Variants in KREMEN1 observed in about 807,000 individuals in gnomAD.
KREMEN1 encodes the protein kringle containing transmembrane protein 1.
A neutral mutation model predicts 46.5 loss-of-function variants in KREMEN1; 30 were observed. The observed-to-expected ratio is 0.65, with a 90% CI of 0.48 to 0.88. KREMEN1 has a LOEUF of 0.88. Among genes scored for constraint, KREMEN1 ranks in the 40% least tolerant of loss-of-function variants. The pLI is 0.00. For missense variants in KREMEN1, 533 were observed against 596.9 expected (o/e 0.89, Z 1.11); for synonymous variants, 214 against 230.6 (o/e 0.93, Z 0.65).
chr22:29,074,260 A>G lies in KREMEN1; in HGVS notation c.97+1033A>G, dbSNP rs991748211. On this transcript the variant is annotated intron_variant, in intron 1 of 8. Transcript: ENST00000400335. The stretch of plus-strand genomic sequence containing the variant: ...CCGCTGGGCCGCTTTGAACTTCCCT[A>G]TGACTCAGGTGATGGCGCAGAAGGG... Among the ~76,000 whole-genome samples the G allele has an allele frequency of 3.3e-5, 5 of 152,180 alleles. 1 individual carries two copies. Among genetic ancestry groups the G allele is most frequent in the African/African-American group, 1.2e-4 (5 of 41,436 alleles).
In KREMEN1 at chr22:29,145,470, G is replaced by A. The variant is rs568494115; in HGVS notation, c.*3358G>A. The A allele has an allele frequency of 3.0e-6, 3 of 985,582 alleles. No individual in the cohort carries two copies. Among genetic ancestry groups the A allele is most frequent in the African/African-American group, 3.5e-5 (2 of 57,356 alleles). 61.1% of individuals were successfully genotyped at this position (985,582 alleles called of 1,614,324 possible). A position where few individuals can be genotyped will look rare whatever the true frequency, so the allele number is the denominator to read the frequency against. On this transcript the variant is annotated 3_prime_UTR_variant, in exon 9 of 9. Transcript: ENST00000400335. ...CACCCCTGTTCCCCGCTGGCGCCAG[G>A]CCCTGCCTTCTTGGTACCTGTGCCA...
chr22:29,132,326 T>C (rs185713867), intron 5 of KREMEN1, among the ~76,000 whole-genome samples: 1 of 152,226 alleles, frequency 6.6e-6, no homozygotes, highest in Non-Finnish European at 1.5e-5. Context: ...AAAGCTGTTG[T>C]AAACATCCAA....
At chr22:29,139,577 T>A (rs1029652850) in intron 7 of KREMEN1, among the ~76,000 whole-genome samples, 1 of 151,970 alleles carries the variant, frequency 6.6e-6, no homozygotes, top group African/African-American at 2.4e-5. Flanking sequence ...CACTCCAACC[T>A]GGGTGACAGA....
At chr22:29,094,871 G>T (rs1443343749) in intron 2 of KREMEN1, among the ~76,000 whole-genome samples, 1 of 152,076 alleles carries the variant, frequency 6.6e-6, no homozygotes, top group South Asian at 2.1e-4. Context: ...TGATCCGCCC[G>T]CCTCAGCCTC....
intron 3 of KREMEN1, among the ~76,000 whole-genome samples, chr22:29,107,218 CTTTTTTTTTT>C (rs1188000476): frequency 1.8e-5 from 2 of 111,926 alleles, no homozygotes; most frequent in Admixed American, 8.8e-5. Context: ...ACCATTTATA[CTTTTTTTTTT>C]TTTTTTTTTT....
At chr22:29,154,902 G>T (rs1165895567) in intron 9 of KREMEN1, 1 of 152,020 alleles carries the variant, frequency 6.6e-6, no homozygotes, top group East Asian at 1.9e-4. Context: ...CTCTCACCAA[G>T]CCCTCTAAAG....
In KREMEN1 at chr22:29,140,299, C is replaced by T; in HGVS notation, c.1141C>T (p.Leu381=). Residue 381 remains leucine, a synonymous_variant, in exon 8 of 9, where the codon CTG becomes TTG. Coordinates refer to ENST00000400335, the MANE Select transcript of KREMEN1 (RefSeq NM_001039570.3). The part of the protein sequence containing the change: ...QTVPGWTVYG[L]ATLLILTVTA... Reference sequence around the variant, plus strand: ...ACTTGCAGGATGGACAGTCTATGGTCTGGCAACTCTCCTCATCCTCACAGT... The same window carrying T: ...ACTTGCAGGATGGACAGTCTATGGTTTGGCAACTCTCCTCATCCTCACAGT... 1.2e-6 allele frequency: 2 copies of T among 1,613,996 alleles called. No individual in the cohort carries two copies. Among genetic ancestry groups the T allele is most frequent in the Non-Finnish European group, 1.7e-6 (2 of 1,179,826 alleles).
At chr22:29,115,250 A>C (rs2038219527) in intron 3 of KREMEN1, among the ~76,000 whole-genome samples, 2 of 152,234 alleles carry the variant, frequency 1.3e-5, no homozygotes, top group Admixed American at 1.3e-4. Context: ...GCAAAGGCGT[A>C]AGAATGACAC....
At position 29,138,952 on chromosome 22, in the gene KREMEN1, T is replaced by C. The variant is rs115386439; in HGVS notation, c.1123+170T>C. 2.7e-3 allele frequency: 2,556 copies of C among 963,020 alleles called. 34 individuals carry two copies. The African/African-American group carries it at 0.034, about 13-fold the overall frequency. The allele number at this position is 963,020 out of a possible 1,614,324, so 59.7% of individuals were successfully genotyped here. A position where few individuals can be genotyped will look rare whatever the true frequency, so the allele number is the denominator to read the frequency against. ...CTGGCTTTTGAGGGAAATTTTCTTA[T>C]TAGCTTGGTTCCTTAGTCCTGAGGG... On this transcript the variant is annotated intron_variant, in intron 7 of 8. Coordinates refer to ENST00000400335, the MANE Select transcript of KREMEN1 (RefSeq NM_001039570.3).
chr22:29,147,894 T>C (rs1448469197), downstream of KREMEN1, among the ~76,000 whole-genome samples: 4 of 152,230 alleles, frequency 2.6e-5, no homozygotes, highest in Non-Finnish European at 5.9e-5. Flanking sequence ...GTGCCTGTTT[T>C]CTCACCTGTC....
In KREMEN1 at chr22:29,105,842, C is replaced by T. The variant is rs557312932; in HGVS notation, c.352+6889C>T. Among the ~76,000 whole-genome samples, 8 of 152,308 alleles carry T rather than the reference C, an allele frequency of 5.3e-5. No individual in the cohort carries two copies. In the South Asian group the frequency reaches 1.7e-3, roughly 32 times the overall value. On this transcript the variant is annotated intron_variant, in intron 3 of 8. Coordinates refer to ENST00000400335, the MANE Select transcript of KREMEN1 (RefSeq NM_001039570.3). ...TGCCAGCAGTTGCACTTCTGCAATACGTGTGGAACCTTAGGTCCATCTCAG... is the reference window on the plus strand; with the variant it reads ...TGCCAGCAGTTGCACTTCTGCAATATGTGTGGAACCTTAGGTCCATCTCAG...
chr22:29,133,117 G>A (rs1372132858), intron 5 of KREMEN1, among the ~76,000 whole-genome samples: 1 of 151,900 alleles, frequency 6.6e-6, no homozygotes, highest in Non-Finnish European at 1.5e-5. Flanking sequence ...GCGAGGTGGC[G>A]CATGCCTGTA....
chr22:29,110,107 TATC>T (rs1263481582), intron 3 of KREMEN1, among the ~76,000 whole-genome samples: 1 of 152,204 alleles, frequency 6.6e-6, no homozygotes, highest in Non-Finnish European at 1.5e-5. Context: ...GCCAACAGTT[TATC>T]ATTTCTCCCA....
intron 4 of KREMEN1, 63 bp downstream of exon 4, chr22:29,121,544 A>C (rs1178984987): frequency 6.4e-7 from 1 of 1,567,084 alleles, no homozygotes; most frequent in East Asian, 2.3e-5. Context: ...TTTTGCTGAG[A>C]TAACTTAAAA....
downstream of KREMEN1, among the ~76,000 whole-genome samples, chr22:29,148,835 G>A (rs1485143974): frequency 6.6e-6 from 1 of 152,132 alleles, no homozygotes; most frequent in East Asian, 1.9e-4. Context: ...AGACAGCTTG[G>A]CCAGGTGAAA....
chr22:29,147,015 G>A (rs1354446256), downstream of KREMEN1, among the ~76,000 whole-genome samples: 2 of 152,058 alleles, frequency 1.3e-5, no homozygotes, highest in East Asian at 1.9e-4. Flanking sequence ...CAGCTGGTAC[G>A]ATCTGAAAGA....
intron 3 of KREMEN1, among the ~76,000 whole-genome samples, chr22:29,110,008 C>T (rs2038120232): frequency 6.6e-6 from 1 of 152,218 alleles, no homozygotes. Flanking sequence ...TATCATTCCT[C>T]TTGAACTTGG....
intron 5 of KREMEN1, among the ~76,000 whole-genome samples, 162 bp from the exon 6 acceptor site, chr22:29,137,180 G>A (rs1372846572): frequency 2.0e-5 from 3 of 152,110 alleles, no homozygotes; most frequent in Admixed American, 1.3e-4. Context: ...GTCATTTTTC[G>A]AGAGTCTCAG....
intron 9 of KREMEN1, among the ~76,000 whole-genome samples, chr22:29,159,987 GATC>G (rs1259047433): frequency 6.6e-6 from 1 of 152,162 alleles, no homozygotes; most frequent in Non-Finnish European, 1.5e-5. Flanking sequence ...GCATTAGACA[GATC>G]ATCAAGGCAG....
Sources: gnomAD v4.1 joint callset for allele counts (sites outside exome capture counted in the v4.1 genomes callset) on GRCh38, gnomAD v4.1.1 for gene constraint, MANE v1.5 for transcripts, NCBI Gene and HGNC (gene_info 2026-07-23, HGNC 2026-07-21) for gene names.